The following JMJD1C variants were observed in gnomAD, a reference collection of about 807,000 sequenced individuals.
The protein encoded by JMJD1C is jumonji domain-containing protein 1C.
Under a neutral mutation model 245.3 loss-of-function variants are expected in JMJD1C, and 31 were observed. The ratio of observed to expected loss-of-function variants is 0.13; its 90% confidence interval spans 0.09 to 0.17. JMJD1C has a LOEUF of 0.17. Ranked by LOEUF, JMJD1C falls within the 10% of genes least tolerant of loss-of-function variation. The pLI is 1.00. For missense variants in JMJD1C, 2,691 were observed against 3,000.2 expected (o/e 0.90, Z 2.41); for synonymous variants, 1,057 against 1,017.4 (o/e 1.04, Z -0.74).
At chr10:63,394,123 G>C (rs961857386) in intron 1 of JMJD1C, among the ~76,000 whole-genome samples, 2 of 148,848 alleles carry the variant, frequency 1.3e-5, no homozygotes, top group African/African-American at 4.9e-5. Context: ...GGAGGTAGTG[G>C]TTATAGTGAG....
At chr10:63,187,437 G>C (rs1040706474) in intron 18 of JMJD1C, among the ~76,000 whole-genome samples, 1 of 152,116 alleles carries the variant, frequency 6.6e-6, no homozygotes, top group South Asian at 2.1e-4. Context: ...CTATCACCAT[G>C]ATCTTTTTAC....
At chr10:63,247,117 C>CA (rs944298893) in intron 3 of JMJD1C, among the ~76,000 whole-genome samples, 33 of 134,160 alleles carry the variant, frequency 2.5e-4, no homozygotes, top group African/African-American at 8.7e-4. Flanking sequence ...AAAACAAAAA[C>CA]AAAAACAAAA....
chr10:63,494,481 T>C (rs1954289150), intron 1 of JMJD1C, among the ~76,000 whole-genome samples: 1 of 152,162 alleles, frequency 6.6e-6, no homozygotes, highest in Non-Finnish European at 1.5e-5. Context: ...TCTTTTTATA[T>C]TATGGGAAGA....
chr10:63,373,637 CAT>C (rs1387665521), intron 2 of JMJD1C, among the ~76,000 whole-genome samples: 1 of 152,214 alleles, frequency 6.6e-6, no homozygotes, highest in East Asian at 1.9e-4. Context: ...AAGCAAGTAT[CAT>C]GTGCACAGAA....
chr10:63,279,900 C>G (rs1466000845), intron 2 of JMJD1C, among the ~76,000 whole-genome samples: 1 of 152,122 alleles, frequency 6.6e-6, no homozygotes, highest in African/African-American at 2.4e-5. Flanking sequence ...CCTGTTTTCC[C>G]AGCACTTTGG....
intron 3 of JMJD1C, among the ~76,000 whole-genome samples, chr10:63,248,952 G>A (rs1236492025): frequency 1.3e-5 from 2 of 152,302 alleles, no homozygotes; most frequent in African/African-American, 4.8e-5. Flanking sequence ...AGGTTATTAC[G>A]TTAAATGAAA....
intron 2 of JMJD1C, among the ~76,000 whole-genome samples, chr10:63,378,808 G>T (rs1198914262): frequency 6.6e-6 from 1 of 151,872 alleles, no homozygotes; most frequent in East Asian, 1.9e-4. Flanking sequence ...TTTGGGTTAA[G>T]GTCTATAAAA....
At position 63,213,627 on chromosome 10, in the gene JMJD1C, T is replaced by C; in HGVS notation, c.2540A>G (p.Gln847Arg). ...LQHQSPHLLG[Q>R]AHPSASYNQL... is the part of the protein sequence containing the mutation. ...ATTATATGAAGCAGAAGGATGGGCT[T>C]GTCCAAGAAGATGAGGTGACTGGTG... Residue 847 changes from glutamine to arginine, a missense_variant, in exon 8 of 26, where the codon CAA becomes CGA. This residue lies in a region of JMJD1C where 1,562 missense variants were observed against 1,490.7 expected (regional missense o/e 1.05). Transcript: ENST00000399262. 2 of 1,614,196 alleles carry C rather than the reference T, an allele frequency of 1.2e-6. No homozygotes were observed. The highest frequency in any genetic ancestry group is 1.7e-6 in the Non-Finnish European group (2 of 1,180,016).
intron 2 of JMJD1C, among the ~76,000 whole-genome samples, chr10:63,335,186 T>C (rs1942593183): frequency 6.6e-6 from 1 of 152,092 alleles, no homozygotes; most frequent in Admixed American, 6.6e-5. Context: ...GAGATTGTTG[T>C]TCCAGGTCAG....
At chr10:63,418,276 C>CCA (rs1949912577) in intron 1 of JMJD1C, among the ~76,000 whole-genome samples, 1 of 152,146 alleles carries the variant, frequency 6.6e-6, no homozygotes, top group African/African-American at 2.4e-5. Context: ...GGTCTGGGGA[C>CCA]CACACTTTAA....
intron 1 of JMJD1C, among the ~76,000 whole-genome samples, chr10:63,404,775 G>T (rs1364737561): frequency 2.0e-5 from 3 of 152,130 alleles, no homozygotes; most frequent in Admixed American, 6.5e-5. Context: ...GGAGGATAAA[G>T]AGAAGCAATT....
At chr10:63,219,736 G>A in intron 4 of JMJD1C, 142 bp downstream of exon 4, 1 of 531,362 alleles carries the variant, frequency 1.9e-6, no homozygotes, top group Non-Finnish European at 3.4e-6. Context: ...TTATCACTCT[G>A]CTATTATTTT....
rs1416211696 is a variant in JMJD1C at position 63,234,491 on chromosome 10, C to CT, written c.448-14509dup. 7.5e-5 allele frequency among the ~76,000 whole-genome samples: 4 copies of CT among 52,998 alleles called. No individual in the cohort carries two copies. In the Admixed American group the frequency reaches 1.0e-3, roughly 14 times the overall value. 34.8% of individuals were successfully genotyped at this position (52,998 alleles called of 152,430 possible). Reference sequence around the variant, plus strand: ...CCTCATCAACAGAGAGAAACCTCCTCTTAAAAAAAAAAAAAAAAAAAAAAA... The same window carrying CT: ...CCTCATCAACAGAGAGAAACCTCCTCTTTAAAAAAAAAAAAAAAAAAAAAAA... On this transcript the variant is annotated intron_variant, in intron 3 of 25. Coordinates refer to ENST00000399262, the MANE Select transcript of JMJD1C (RefSeq NM_032776.3).
intron 2 of JMJD1C, among the ~76,000 whole-genome samples, chr10:63,341,895 G>A (rs78621974): frequency 0.013 from 2,025 of 152,316 alleles, 29 homozygotes; most frequent in African/African-American, 0.034. Flanking sequence ...TGCCACATAC[G>A]CTGTTGCCAA....
intron 2 of JMJD1C, among the ~76,000 whole-genome samples, chr10:63,302,928 A>G (rs1860272926): frequency 6.7e-6 from 1 of 148,190 alleles, no homozygotes; most frequent in Admixed American, 6.7e-5. Context: ...TTTCTGAGAC[A>G]GAGTCTTACT....
At chr10:63,454,976 G>A (rs1047164045) in intron 1 of JMJD1C, among the ~76,000 whole-genome samples, 2 of 151,980 alleles carry the variant, frequency 1.3e-5, no homozygotes, top group Non-Finnish European at 2.9e-5. Flanking sequence ...GTATTGTATC[G>A]CAACACCTAT....
At chr10:63,446,905 C>G (rs533209892) in intron 1 of JMJD1C, among the ~76,000 whole-genome samples, 1 of 152,004 alleles carries the variant, frequency 6.6e-6, no homozygotes, top group Non-Finnish European at 1.5e-5. Context: ...GCCAAAGAAG[C>G]CAAAGATAGA....
chr10:63,520,404 T>A (rs10822179), intron 1 of JMJD1C, among the ~76,000 whole-genome samples: 1 of 151,790 alleles, frequency 6.6e-6, no homozygotes, highest in African/African-American at 2.4e-5. Context: ...CTTTTATTCT[T>A]CGCACCATCT....
At chr10:63,368,580 TCTTA>T (rs1946045237) in intron 2 of JMJD1C, among the ~76,000 whole-genome samples, 1 of 152,220 alleles carries the variant, frequency 6.6e-6, no homozygotes, top group South Asian at 2.1e-4. Context: ...CCTCTGCAAT[TCTTA>T]CTGATTTGTT....
Sources: allele counts gnomAD v4.1 joint callset (sites outside exome capture counted in the v4.1 genomes callset), GRCh38; gene constraint gnomAD v4.1.1; regional missense constraint gnomAD v4.1.1; transcripts MANE v1.5; gene names NCBI Gene and HGNC (gene_info 2026-07-23, HGNC 2026-07-21).